The following DDX46 variants were observed in gnomAD, a reference collection of about 807,000 sequenced individuals.
DDX46 encodes probable ATP-dependent RNA helicase DDX46.
Under a neutral mutation model 134.9 loss-of-function variants are expected in DDX46, and 30 were observed. The observed-to-expected ratio is 0.22, with a 90% CI of 0.17 to 0.30. The LOEUF is 0.30. Ranked by LOEUF, DDX46 falls within the 10% of genes least tolerant of loss-of-function variation. The pLI is 1.00. For missense variants in DDX46, 622 were observed against 1,248.7 expected, an observed-to-expected ratio of 0.50 and a Z score of 7.56; for synonymous variants, 415 against 404.1, an observed-to-expected ratio of 1.03 and a Z score of -0.32.
chr5:134,762,919 C>T (rs559301106), intron 1 of DDX46, among the ~76,000 whole-genome samples: 13 of 151,668 alleles, frequency 8.6e-5, no homozygotes, highest in African/African-American at 1.5e-4. Flanking sequence ...TTTAGCCTGG[C>T]GTAATGGCGG....
chr5:134,769,524 G>T (rs1403813501), intron 3 of DDX46, among the ~76,000 whole-genome samples: 6 of 145,552 alleles, frequency 4.1e-5, no homozygotes, highest in Admixed American at 1.4e-4. Flanking sequence ...TAGAGACGGG[G>T]TTTGTTTTTT....
chr5:134,813,615 T>TG (rs1442618507), intron 18 of DDX46, among the ~76,000 whole-genome samples: 1 of 151,400 alleles, frequency 6.6e-6, no homozygotes, highest in Non-Finnish European at 1.5e-5. Flanking sequence ...TTATTCTTTA[T>TG]GGGGTTTTTT....
In DDX46 at chr5:134,807,895, A is replaced by T; in HGVS notation, c.2102A>T (p.Glu701Val). 1 of 1,614,200 alleles carries T rather than the reference A, an allele frequency of 6.2e-7. No individual in the cohort carries two copies. The highest frequency in any genetic ancestry group is 8.5e-7 in the Non-Finnish European group (1 of 1,180,032). The change falls in exon 16 of 23, where the codon GAG becomes GTG. Residue 701 changes from glutamate to valine, a missense_variant. By Grantham distance (121) the Glu-to-Val change is moderately radical (BLOSUM62 -2). Coordinates refer to ENST00000452510, the MANE Select transcript of DDX46 (RefSeq NM_001300860.2). ...AATTATAGCTGCCCCAACCATTATG[A>T]GGATTATGTACACAGAGCAGGGCGG... The part of the protein sequence containing the change: ...VVNYSCPNHY[E>V]DYVHRAGRTG...
At chr5:134,759,795 T>C (rs181696984) in intron 1 of DDX46, among the ~76,000 whole-genome samples, 1 of 152,322 alleles carries the variant, frequency 6.6e-6, no homozygotes, top group East Asian at 1.9e-4. Flanking sequence ...TTAGCAAATA[T>C]ATAAACCGTG....
intron 2 of DDX46, among the ~76,000 whole-genome samples, chr5:134,766,080 G>A (rs1454300361): frequency 6.6e-6 from 1 of 152,142 alleles, no homozygotes; most frequent in East Asian, 1.9e-4. Flanking sequence ...GTTACCAGGA[G>A]TAGCAGGATA....
At chr5:134,785,412 G>A in intron 10 of DDX46, 53 bp from the exon 11 acceptor site, 1 of 1,583,156 alleles carries the variant, frequency 6.3e-7, no homozygotes, top group Non-Finnish European at 8.6e-7. Context: ...ACACTATAAA[G>A]CACAGCCTTA....
chr5:134,803,727 C>G (rs1275929913), intron 15 of DDX46, among the ~76,000 whole-genome samples: 1 of 152,046 alleles, frequency 6.6e-6, no homozygotes, highest in Non-Finnish European at 1.5e-5. Context: ...TGGTTGTTAC[C>G]TGCCGGAGGG....
chr5:134,807,972 A>T (rs1755036424), intron 16 of DDX46, 31 bp downstream of exon 16: 1 of 1,559,230 alleles, frequency 6.4e-7, no homozygotes, highest in South Asian at 1.2e-5. Flanking sequence ...GTTGATCTTC[A>T]TTATATTAAA....
At chr5:134,806,811 G>A (rs1407513981) in intron 15 of DDX46, among the ~76,000 whole-genome samples, 3 of 151,968 alleles carry the variant, frequency 2.0e-5, no homozygotes, top group African/African-American at 7.3e-5. Context: ...GAGTTTCCTG[G>A]GAACCTCATC....
At chr5:134,813,701 A>G (rs61672465) in intron 18 of DDX46, among the ~76,000 whole-genome samples, 9,578 of 152,012 alleles carry the variant, frequency 0.063, 657 homozygotes, top group African/African-American at 0.18. Context: ...TGCGAACTCA[A>G]CTCACTGCTG....
chr5:134,785,975 A>G (rs993744391), intron 11 of DDX46, among the ~76,000 whole-genome samples: 2 of 151,838 alleles, frequency 1.3e-5, no homozygotes, highest in African/African-American at 2.4e-5. Flanking sequence ...CAGCCTCCCA[A>G]GTTGCTGGGA....
At chr5:134,785,633 G>C (rs1466718888) in intron 11 of DDX46, 47 bp downstream of exon 11, 2 of 1,556,592 alleles carry the variant, frequency 1.3e-6, no homozygotes, top group East Asian at 4.6e-5. Flanking sequence ...TTCTCAAGTT[G>C]GATGATTCAA....
At position 134,763,941 on chromosome 5, in the gene DDX46, G is replaced by A; in HGVS notation, c.55G>A (p.Gly19Arg). ...ACGATCGGCATCCCGGGGTCGCTCT[G>A]GAAGTCGGTCTAGAAGTCGCTCACC... ...RKRSASRGRSGSRSRSRSPSD... is the reference protein window; with the variant it reads ...RKRSASRGRSRSRSRSRSPSD... The change falls in exon 2 of 23, where the codon GGA becomes AGA. Residue 19 changes from glycine to arginine, a missense_variant. Gly to Arg is a moderately radical substitution (Grantham distance 125). This residue lies in a region of DDX46 where 244 missense variants were observed against 349.3 expected (regional missense o/e 0.70). Transcript: ENST00000452510. The A allele has an allele frequency of 6.2e-7, 1 of 1,614,172 alleles. No homozygotes were observed. The highest frequency in any genetic ancestry group is 8.5e-7 in the Non-Finnish European group (1 of 1,180,034).
Position 134,818,992 on chromosome 5 carries a change from T to C in DDX46, c.2965T>C (p.Leu989=). ...EPKEGERKIY[L]AIESANELAV... ...CAAGGAAGGCGAGCGGAAGATTTAC[T>C]TGGCAATTGAAAGTATGTACTGTTA... The change falls in exon 21 of 23, where the codon TTG becomes CTG. Residue 989 remains leucine, a synonymous_variant. Coordinates refer to ENST00000452510, the MANE Select transcript of DDX46 (RefSeq NM_001300860.2). The C allele has an allele frequency of 6.2e-7, 1 of 1,613,552 alleles. No individual in the cohort carries two copies. The highest frequency in any genetic ancestry group is 8.5e-7 in the Non-Finnish European group (1 of 1,179,774).
chr5:134,807,175 CT>C (rs11284486), intron 15 of DDX46, among the ~76,000 whole-genome samples: 37,654 of 121,482 alleles, frequency 0.31, 4,507 homozygotes, highest in East Asian at 0.59. Context: ...CCACGCCTGG[CT>C]TTTTTTTTTT....
At chr5:134,826,329 A>G (rs1422582605) in intron 21 of DDX46, 1 of 152,154 alleles carries the variant, frequency 6.6e-6, no homozygotes, top group African/African-American at 2.4e-5. Context: ...TCTGCAGCCT[A>G]CCTCATCTAG....
At chr5:134,770,016 C>G (rs929778085) in intron 3 of DDX46, among the ~76,000 whole-genome samples, 1 of 152,036 alleles carries the variant, frequency 6.6e-6, no homozygotes, top group African/African-American at 2.4e-5. Flanking sequence ...AAGTTTATTT[C>G]TTACCTAAAT....
intron 5 of DDX46, among the ~76,000 whole-genome samples, chr5:134,776,744 G>A (rs1344273712): frequency 4.0e-5 from 6 of 150,502 alleles, no homozygotes; most frequent in South Asian, 2.1e-4. Flanking sequence ...GTGAAACCCC[G>A]TCTCTACTAA....
At chr5:134,812,496 A>AG (rs57947364) in intron 18 of DDX46, among the ~76,000 whole-genome samples, 16,757 of 152,210 alleles carry the variant, frequency 0.11, 1,218 homozygotes, top group East Asian at 0.29. Flanking sequence ...TTTGGAAATC[A>AG]GAAATTCAAC....
Sources: gnomAD v4.1 joint callset for allele counts (sites outside exome capture counted in the v4.1 genomes callset) on GRCh38, gnomAD v4.1.1 for gene constraint, gnomAD v4.1.1 regional missense constraint, MANE v1.5 for transcripts, NCBI Gene and HGNC (gene_info 2026-07-23, HGNC 2026-07-21) for gene names.